The following ACBD3 variants were observed in gnomAD, a reference collection of about 807,000 sequenced individuals.
ACBD3 encodes the protein Golgi resident protein GCP60.
ACBD3 carries 30 observed loss-of-function variants against 66.9 expected under a neutral mutation model. The observed-to-expected ratio is 0.45, with a 90% CI of 0.34 to 0.61. ACBD3 has a LOEUF of 0.61. ACBD3 is among the 20% of genes least tolerant of loss of function. The pLI, the probability that ACBD3 is intolerant of heterozygous loss-of-function variation, is 0.02. For synonymous variants in ACBD3, 278 were observed against 259.8 expected (o/e 1.07, Z -0.68); for missense variants, 544 against 664.5 (o/e 0.82, Z 1.99).
chr1:226,151,281 A>C (rs912254332), intron 7 of ACBD3, among the ~76,000 whole-genome samples: 6 of 152,246 alleles, frequency 3.9e-5, no homozygotes, highest in Non-Finnish European at 7.3e-5. Context: ...AAGAACTGAG[A>C]CATGGTGCTT....
chr1:226,166,474 C>T (rs774379136), intron 1 of ACBD3, among the ~76,000 whole-genome samples: 5 of 150,390 alleles, frequency 3.3e-5, no homozygotes, highest in Non-Finnish European at 7.4e-5. Flanking sequence ...GACGGAAATC[C>T]GGTATGCTGA....
chr1:226,182,536 C>T (rs1656194898), intron 1 of ACBD3, among the ~76,000 whole-genome samples: 1 of 152,078 alleles, frequency 6.6e-6, no homozygotes, highest in African/African-American at 2.4e-5. Context: ...ATCACATGAA[C>T]CCAGGAGGCA....
At chr1:226,170,839 G>C (rs1659980889) in intron 1 of ACBD3, among the ~76,000 whole-genome samples, 1 of 152,104 alleles carries the variant, frequency 6.6e-6, no homozygotes, top group Admixed American at 6.6e-5. Context: ...GAGGGCAGTG[G>C]CACGATCACA....
rs919229204 is a variant in ACBD3, at chr1:226,186,708, A to G, written c.-33T>C. Reference sequence around the variant, plus strand: ...TGCTGCACCTCCTCAGCGGGGACAGACGGCAGCCACGTATCGACTTCCTGC... The same window carrying G: ...TGCTGCACCTCCTCAGCGGGGACAGGCGGCAGCCACGTATCGACTTCCTGC... On this transcript the variant is annotated 5_prime_UTR_variant, in exon 1 of 8. Coordinates refer to ENST00000366812, the MANE Select transcript of ACBD3 (RefSeq NM_022735.4). 8.3e-6 allele frequency: 12 copies of G among 1,445,686 alleles called. No individual in the cohort carries two copies. The highest frequency in any genetic ancestry group is 2.9e-5 in the East Asian group (1 of 34,214). The allele number at this position is 1,445,686 out of a possible 1,614,324, so 89.6% of individuals were successfully genotyped here. A position where few individuals can be genotyped will look rare whatever the true frequency, so the allele number is the denominator to read the frequency against.
chr1:226,176,200 G>A (rs1656031306), intron 1 of ACBD3, among the ~76,000 whole-genome samples: 1 of 152,206 alleles, frequency 6.6e-6, no homozygotes, highest in Admixed American at 6.5e-5. Context: ...AGCCGAGGCG[G>A]GTGGATCATG....
At chr1:226,164,592 A>C (rs1410105349) in intron 3 of ACBD3, among the ~76,000 whole-genome samples, 197 bp downstream of exon 3, 1 of 152,158 alleles carries the variant, frequency 6.6e-6, no homozygotes, top group Non-Finnish European at 1.5e-5. Flanking sequence ...GGCCAGTAGG[A>C]AGCAGTCCTC....
intron 3 of ACBD3, among the ~76,000 whole-genome samples, chr1:226,162,859 C>T (rs1178670923): frequency 6.6e-6 from 1 of 151,118 alleles, no homozygotes; most frequent in East Asian, 1.9e-4. Flanking sequence ...TGCAGTGGCA[C>T]ATTCTTGGCT....
At chr1:226,175,440 T>A (rs2102788332) in intron 1 of ACBD3, among the ~76,000 whole-genome samples, 1 of 152,278 alleles carries the variant, frequency 6.6e-6, no homozygotes, top group African/African-American at 2.4e-5. Flanking sequence ...CCACAAACAC[T>A]AAGACTGATT....
At chr1:226,165,482 T>C (rs1659860558) in intron 2 of ACBD3, among the ~76,000 whole-genome samples, 2 of 152,222 alleles carry the variant, frequency 1.3e-5, no homozygotes, top group South Asian at 2.1e-4. Context: ...ATTTTTCTTA[T>C]ATAATATTTG....
chr1:226,183,087 C>T (rs1656206453), intron 1 of ACBD3, among the ~76,000 whole-genome samples: 1 of 152,192 alleles, frequency 6.6e-6, no homozygotes, highest in Non-Finnish European at 1.5e-5. Flanking sequence ...TCATTTCCAA[C>T]CCAAGCTATT....
chr1:226,179,623 C>T (rs570978678), intron 1 of ACBD3, among the ~76,000 whole-genome samples: 3 of 152,220 alleles, frequency 2.0e-5, no homozygotes, highest in African/African-American at 7.2e-5. Context: ...TTTGAGAGGC[C>T]GGGTGGGCAG....
intron 2 of ACBD3, among the ~76,000 whole-genome samples, chr1:226,165,580 T>A (rs1277341868): frequency 6.6e-6 from 1 of 152,218 alleles, no homozygotes; most frequent in Non-Finnish European, 1.5e-5. Context: ...TACTATATAT[T>A]TTAAATGGCT....
intron 6 of ACBD3, among the ~76,000 whole-genome samples, chr1:226,154,439 A>T (rs955821049): frequency 6.6e-6 from 1 of 152,158 alleles, no homozygotes; most frequent in Non-Finnish European, 1.5e-5. Flanking sequence ...CTTTTGTCTT[A>T]AAAGTGTCCA....
intron 3 of ACBD3, 77 bp downstream of exon 3, chr1:226,164,712 A>G: frequency 7.0e-7 from 1 of 1,438,734 alleles, no homozygotes. Flanking sequence ...TAGAACTAGA[A>G]CAGACACTCT....
At chr1:226,147,320 G>C (rs1659475329) in intron 7 of ACBD3, among the ~76,000 whole-genome samples, 1 of 152,202 alleles carries the variant, frequency 6.6e-6, no homozygotes, top group South Asian at 2.1e-4. Flanking sequence ...ACCTAAGTAT[G>C]TGCTATACAC....
intron 6 of ACBD3, among the ~76,000 whole-genome samples, chr1:226,153,649 A>G (rs1265845810): frequency 1.3e-5 from 2 of 152,252 alleles, no homozygotes; most frequent in Non-Finnish European, 2.9e-5. Flanking sequence ...CCTAGCACTC[A>G]GGAAACCTTC....
At chr1:226,178,361 G>A (rs1656095075) in intron 1 of ACBD3, among the ~76,000 whole-genome samples, 1 of 151,712 alleles carries the variant, frequency 6.6e-6, no homozygotes, top group African/African-American at 2.4e-5. Context: ...ATCAGGTCAG[G>A]AGTTCGAGAC....
intron 1 of ACBD3, among the ~76,000 whole-genome samples, chr1:226,167,862 A>G (rs748174401): frequency 1.3e-5 from 2 of 152,224 alleles, no homozygotes; most frequent in African/African-American, 2.4e-5. Flanking sequence ...ATAAATTAAA[A>G]GCATTAGATA....
chr1:226,173,751 T>C (rs1465395430), intron 1 of ACBD3, among the ~76,000 whole-genome samples: 11 of 136,666 alleles, frequency 8.0e-5, no homozygotes, highest in South Asian at 2.2e-4. Flanking sequence ...TCTTTTTTTT[T>C]CTTTTCTTTT....
Sources: allele counts gnomAD v4.1 joint callset (sites outside exome capture counted in the v4.1 genomes callset), GRCh38; gene constraint gnomAD v4.1.1; transcripts MANE v1.5; gene names NCBI Gene and HGNC (gene_info 2026-07-23, HGNC 2026-07-21).